TENM3: variants seen among roughly 807,000 people sequenced by gnomAD.
The protein encoded by TENM3 is teneurin-3.
A neutral mutation model predicts 255.1 loss-of-function variants in TENM3; 63 were observed. That is an observed-to-expected ratio of 0.25 (90% CI 0.20 to 0.30). The LOEUF (loss-of-function observed/expected upper bound fraction) is 0.30, where lower values mean the gene tolerates loss of function less well. Ranked by LOEUF, TENM3 falls within the 10% of genes least tolerant of loss-of-function variation. The pLI, the probability that TENM3 is intolerant of heterozygous loss-of-function variation, is 1.00. For missense variants in TENM3, 2,929 were observed against 3,461.1 expected (o/e 0.85, Z 3.86); for synonymous variants, 1,306 against 1,322.3 (o/e 0.99, Z 0.27).
chr4:182,429,176 T>C (rs969637649), intron 3 of TENM3, among the ~76,000 whole-genome samples: 2 of 152,178 alleles, frequency 1.3e-5, no homozygotes, highest in Admixed American at 1.3e-4. Context: ...GATTTGCCAA[T>C]TCACACACAA....
the TENM3 span, among the ~76,000 whole-genome samples, chr4:181,798,605 C>T: frequency 2.0e-5 from 3 of 152,188 alleles, no homozygotes; most frequent in Admixed American, 6.5e-5. Flanking sequence ...TTTCAACAGT[C>T]AAAAACCAAT....
the TENM3 span, among the ~76,000 whole-genome samples, chr4:181,788,499 C>T: frequency 2.0e-5 from 3 of 152,152 alleles, no homozygotes; most frequent in Non-Finnish European, 1.5e-5. Flanking sequence ...CGAGGAAACA[C>T]AGTCAGTCAG....
chr4:182,598,634 AT>A (rs1747524432), intron 3 of TENM3, among the ~76,000 whole-genome samples: 1 of 152,176 alleles, frequency 6.6e-6, no homozygotes, highest in Admixed American at 6.5e-5. Flanking sequence ...ATAATGCTTT[AT>A]TTTACCATTT....
the TENM3 span, chr4:181,975,480 T>C: frequency 2.6e-5 from 4 of 152,256 alleles, no homozygotes; most frequent in African/African-American, 9.7e-5. Context: ...ACATTTTGTT[T>C]ATCCAGTTAA....
intron 19 of TENM3, among the ~76,000 whole-genome samples, chr4:182,746,078 G>C (rs559968212): frequency 1.3e-5 from 2 of 152,074 alleles, no homozygotes; most frequent in Non-Finnish European, 2.9e-5. Flanking sequence ...ATCACTTACC[G>C]TGTGTTAGGC....
chr4:182,614,333 C>A (rs1310402744), intron 4 of TENM3, among the ~76,000 whole-genome samples: 1 of 151,976 alleles, frequency 6.6e-6, no homozygotes, highest in Non-Finnish European at 1.5e-5. Flanking sequence ...AAGAATCAAT[C>A]CATTTTGAAC....
the TENM3 span, among the ~76,000 whole-genome samples, chr4:181,705,969 T>G: frequency 6.6e-6 from 1 of 152,146 alleles, no homozygotes; most frequent in Non-Finnish European, 1.5e-5. Context: ...ATAATAATAA[T>G]AAGTCATTGT....
rs780813047 is a variant in TENM3, at chr4:182,789,126, G to C, written c.5338G>C (p.Asp1780His). 6.2e-6 allele frequency: 10 copies of C among 1,610,126 alleles called. No homozygotes were observed. The highest frequency in any genetic ancestry group is 8.5e-6 in the Non-Finnish European group (10 of 1,177,178). Residue 1780 changes from aspartate (D) to histidine (H), a missense_variant, in exon 25 of 28, where the codon GAT (aspartate) becomes CAT (histidine). By Grantham distance (81) the Asp-to-His change is moderately conservative. Coordinates refer to ENST00000511685, the MANE Select transcript of TENM3 (RefSeq NM_001080477.4). The surrounding 1 kb of genome is among the most constrained non-coding windows in gnomAD (Gnocchi z 4.4). ...NGRNLLSVDFDRTTKTEKIYD... is the reference protein window; with the variant it reads ...NGRNLLSVDFHRTTKTEKIYD... ...CAGAAACCTCCTTTCAGTTGACTTT[G>C]ATCGAACAACAAAGACAGAAAAGAT...
chr4:182,607,671 A>C (rs1327537875), intron 4 of TENM3, among the ~76,000 whole-genome samples: 1 of 152,190 alleles, frequency 6.6e-6, no homozygotes, highest in Non-Finnish European at 1.5e-5. Context: ...ATTTTGTTTA[A>C]TTGGAGTGAA....
chr4:182,028,619 T>A, the TENM3 span, among the ~76,000 whole-genome samples: 1 of 152,204 alleles, frequency 6.6e-6, no homozygotes, highest in Non-Finnish European at 1.5e-5. Context: ...TTTTGCTGTT[T>A]CTCACTGGTT....
At chr4:181,841,084 G>A in the TENM3 span, among the ~76,000 whole-genome samples, 1 of 152,160 alleles carries the variant, frequency 6.6e-6, no homozygotes, top group Admixed American at 6.5e-5. Context: ...CTATAAGTAA[G>A]ACTAGAATTG....
chr4:182,236,318 C>T (rs1756901196), intron 1 of TENM3, among the ~76,000 whole-genome samples: 2 of 152,200 alleles, frequency 1.3e-5, no homozygotes, highest in African/African-American at 2.4e-5. Flanking sequence ...TGATAGACAG[C>T]TTTCTGCAAA....
chr4:182,730,248 A>C lies in TENM3; in HGVS notation c.2634A>C (p.Pro878=). Reference sequence around the variant, plus strand: ...AAGTACTGACTGCTGATGGAACTCCACTTATTGGAGTAAATGTCTCGTTTT... The same window carrying C: ...AAGTACTGACTGCTGATGGAACTCCCCTTATTGGAGTAAATGTCTCGTTTT... ...RGQVLTADGT[P]LIGVNVSFFH... Residue 878 remains proline, a synonymous_variant, in exon 15 of 28, where the codon CCA becomes CCC. Coordinates refer to ENST00000511685, the MANE Select transcript of TENM3 (RefSeq NM_001080477.4). 6.2e-7 allele frequency: 1 copy of C among 1,613,838 alleles called. No individual in the cohort carries two copies. The highest frequency in any genetic ancestry group is 8.5e-7 in the Non-Finnish European group (1 of 1,179,798).
At chr4:181,624,330 T>A in the TENM3 span, among the ~76,000 whole-genome samples, 2 of 152,172 alleles carry the variant, frequency 1.3e-5, no homozygotes, top group South Asian at 4.1e-4. Context: ...ACGCACTGGC[T>A]CTTAAGGCTT....
the TENM3 span, among the ~76,000 whole-genome samples, chr4:181,453,260 C>A: frequency 6.6e-6 from 1 of 152,088 alleles, no homozygotes; most frequent in Non-Finnish European, 1.5e-5. Flanking sequence ...TGTAAAGGTC[C>A]TGATGGAGTC....
chr4:182,398,722 G>A (rs1769023232), intron 3 of TENM3, among the ~76,000 whole-genome samples: 1 of 152,166 alleles, frequency 6.6e-6, no homozygotes, highest in Non-Finnish European at 1.5e-5. Flanking sequence ...ATAGCCAATT[G>A]GCCAACCAGA....
the TENM3 span, among the ~76,000 whole-genome samples, chr4:181,785,124 A>G: frequency 0.02 from 3,003 of 152,312 alleles, 32 homozygotes; most frequent in Middle Eastern, 0.061. Context: ...TCTGAGCTGA[A>G]TAGTGAATGA....
the TENM3 span, among the ~76,000 whole-genome samples, chr4:181,968,255 C>T: frequency 6.6e-6 from 1 of 152,190 alleles, no homozygotes; most frequent in East Asian, 1.9e-4. Flanking sequence ...CCCAAATCTG[C>T]ACCTTCCTTC....
At chr4:181,853,773 G>T in the TENM3 span, among the ~76,000 whole-genome samples, 2 of 152,216 alleles carry the variant, frequency 1.3e-5, no homozygotes, top group Non-Finnish European at 2.9e-5. Flanking sequence ...GTCCCGGAGG[G>T]TTAAGAGGAG....
Sources: allele counts gnomAD v4.1 joint callset (sites outside exome capture counted in the v4.1 genomes callset), GRCh38; gene constraint gnomAD v4.1.1; non-coding constraint Gnocchi (gnomAD v3.1); transcripts MANE v1.5; gene names NCBI Gene and HGNC (gene_info 2026-07-23, HGNC 2026-07-21).